Variants in EYS observed in about 807,000 individuals in gnomAD.
EYS encodes EGF-like photoreceptor maintenance factor, also known as protein eyes shut homolog.
EYS carries 250 observed loss-of-function variants against 282.1 expected under a neutral mutation model. The ratio of observed to expected loss-of-function variants is 0.89; its 90% CI spans 0.80 to 0.98. The LOEUF (loss-of-function observed/expected upper bound fraction) is 0.98. Among genes scored for constraint, EYS ranks in the 50% least tolerant of loss-of-function variants. EYS has a pLI of 0.00. For missense variants in EYS, 4,016 were observed against 3,709.0 expected (o/e 1.08, Z -2.15); for synonymous variants, 1,355 against 1,282.9 (o/e 1.06, Z -1.20).
chr6:65,693,404 CT>C (rs66464915), intron 1 of EYS, among the ~76,000 whole-genome samples: 49,667 of 125,108 alleles, frequency 0.4, 11,401 homozygotes, highest in Non-Finnish European at 0.5. Flanking sequence ...TTTTTCCTTT[CT>C]TTTTTTTTTT....
chr6:64,030,664 T>A (rs574048423), intron 33 of EYS, among the ~76,000 whole-genome samples: 2 of 152,230 alleles, frequency 1.3e-5, no homozygotes, highest in Non-Finnish European at 2.9e-5. Context: ...GGCTTCTCCC[T>A]TTTCTAGGTC....
At chr6:64,119,668 A>G (rs1211402613) in intron 31 of EYS, among the ~76,000 whole-genome samples, 2 of 152,238 alleles carry the variant, frequency 1.3e-5, no homozygotes, top group African/African-American at 4.8e-5. Flanking sequence ...AGCAAAACTT[A>G]ATATAGCTAA....
chr6:65,564,379 C>T (rs1769191883), intron 2 of EYS, among the ~76,000 whole-genome samples: 1 of 152,158 alleles, frequency 6.6e-6, no homozygotes, highest in Admixed American at 6.5e-5. Context: ...AACTATCCTA[C>T]AAGCCTACAG....
At chr6:64,824,570 A>G (rs1764994102) in intron 19 of EYS, among the ~76,000 whole-genome samples, 1 of 151,926 alleles carries the variant, frequency 6.6e-6, no homozygotes, top group South Asian at 2.1e-4. Context: ...AAGATAAGTG[A>G]AAAGTCTCCG....
chr6:64,323,334 G>C (rs1325200756), intron 29 of EYS, among the ~76,000 whole-genome samples: 2 of 151,952 alleles, frequency 1.3e-5, no homozygotes, highest in Admixed American at 1.3e-4. Flanking sequence ...ATTTCTCTAT[G>C]TTGTAACATG....
At chr6:63,857,294 C>G (rs1772419905) in intron 36 of EYS, 1 of 152,764 alleles carries the variant, frequency 6.5e-6, no homozygotes. Flanking sequence ...ATATAATACT[C>G]TAACACTTCT....
At chr6:64,736,620 T>G (rs1772190162) in intron 22 of EYS, among the ~76,000 whole-genome samples, 1 of 152,162 alleles carries the variant, frequency 6.6e-6, no homozygotes, top group Non-Finnish European at 1.5e-5. Flanking sequence ...TTCTGTAGAG[T>G]CTTTCCTGGT....
intron 22 of EYS, among the ~76,000 whole-genome samples, chr6:64,677,115 G>A (rs1769717133): frequency 6.6e-6 from 1 of 152,000 alleles, no homozygotes; most frequent in Admixed American, 6.6e-5. Context: ...ATGCTGCCTA[G>A]GCCATTATCA....
intron 30 of EYS, among the ~76,000 whole-genome samples, chr6:64,305,181 T>C (rs1769393069): frequency 6.6e-6 from 1 of 152,204 alleles, no homozygotes; most frequent in South Asian, 2.1e-4. Flanking sequence ...TGGGTAGAAA[T>C]GCAGTTTACT....
At chr6:64,257,623 C>T (rs1767442850) in intron 30 of EYS, among the ~76,000 whole-genome samples, 1 of 151,946 alleles carries the variant, frequency 6.6e-6, no homozygotes, top group Admixed American at 6.6e-5. Flanking sequence ...AGCAAAGGTA[C>T]ACAATTCATT....
At chr6:64,166,435 A>C (rs1764293383) in intron 31 of EYS, among the ~76,000 whole-genome samples, 1 of 152,212 alleles carries the variant, frequency 6.6e-6, no homozygotes. Context: ...AATCAAATAC[A>C]GCTCATAAAT....
intron 12 of EYS, among the ~76,000 whole-genome samples, chr6:65,247,236 T>C (rs146049313): frequency 7.7e-4 from 117 of 152,192 alleles, no homozygotes; most frequent in African/African-American, 2.7e-3. Flanking sequence ...GGTTCATGAA[T>C]ACAACATATG....
intron 12 of EYS, among the ~76,000 whole-genome samples, chr6:65,139,056 C>T (rs572602633): frequency 6.6e-6 from 1 of 152,118 alleles, no homozygotes; most frequent in East Asian, 1.9e-4. Flanking sequence ...ACAGAATTAC[C>T]ATTTAACCCA....
rs533479312 is a variant in EYS at position 65,277,748 on chromosome 6, G to C, written c.2023+18115C>G. 2.0e-4 allele frequency among the ~76,000 whole-genome samples: 30 copies of C among 152,268 alleles called. 1 individual carries two copies. The South Asian group carries it at 2.9e-3, about 15-fold the overall frequency. ...TGACTTTACCTCCTTTTTAGAGCAG[G>C]TGGTGATACATTTTCCACTGTACAC... On this transcript the variant is annotated intron_variant, in intron 12 of 42. Transcript: ENST00000503581.
At position 64,829,782 on chromosome 6, in the gene EYS, A is replaced by AG. The variant is rs534731768; in HGVS notation, c.2993-6961dup. Among the ~76,000 whole-genome samples, 1,171 of 152,110 alleles carry AG rather than the reference A, an allele frequency of 7.7e-3. 26 individuals are homozygous for AG. Among genetic ancestry groups the AG allele is most frequent in the South Asian group, 0.074 (358 of 4,818 alleles). ...GGTATAATATATGGAATTGGGAACC[A>AG]GGGGGTAAAAGTGAGTGAACCGATG... On this transcript the variant is annotated intron_variant, in intron 19 of 42. Coordinates refer to ENST00000503581, the MANE Select transcript of EYS (RefSeq NM_001142800.2).
At chr6:65,603,877 T>C (rs909539244) in intron 2 of EYS, among the ~76,000 whole-genome samples, 1 of 151,946 alleles carries the variant, frequency 6.6e-6, no homozygotes, top group African/African-American at 2.4e-5. Flanking sequence ...AAACTGCTCA[T>C]GTTTTTTTTG....
At chr6:64,658,455 G>A (rs182142626) in intron 22 of EYS, among the ~76,000 whole-genome samples, 16 of 152,062 alleles carry the variant, frequency 1.1e-4, no homozygotes, top group African/African-American at 3.6e-4. Flanking sequence ...CAGTTTTTCT[G>A]CTCTCTGTTT....
At chr6:64,081,205 A>G (rs1479689981) in intron 32 of EYS, among the ~76,000 whole-genome samples, 9 of 152,170 alleles carry the variant, frequency 5.9e-5, no homozygotes. Context: ...TGTTAAAATG[A>G]TTGTGCATTT....
intron 11 of EYS, among the ~76,000 whole-genome samples, chr6:65,318,495 CT>C (rs1769375498): frequency 6.8e-6 from 1 of 147,024 alleles, no homozygotes; most frequent in East Asian, 2.0e-4. Context: ...TGAGGGTCAT[CT>C]TGGAGGCTGG....
Sources: gnomAD v4.1 joint callset for allele counts (sites outside exome capture counted in the v4.1 genomes callset) on GRCh38, gnomAD v4.1.1 for gene constraint, MANE v1.5 for transcripts, NCBI Gene and HGNC (gene_info 2026-07-23, HGNC 2026-07-21) for gene names.